NFIB: variants seen among roughly 807,000 people sequenced by gnomAD.
The protein encoded by NFIB is nuclear factor 1 B-type.
NFIB carries 11 observed loss-of-function variants against 61.5 expected under a neutral mutation model. The ratio of observed to expected loss-of-function variants is 0.18; its 90% CI spans 0.11 to 0.30. The LOEUF is 0.30. NFIB is among the 10% of genes least tolerant of loss of function. NFIB has a pLI of 1.00. For synonymous variants in NFIB, 260 were observed against 216.5 expected (o/e 1.20, Z -1.76); for missense variants, 471 against 608.9 (o/e 0.77, Z 2.38).
At chr9:14,176,169 G>A (rs1222782983) in intron 3 of NFIB, among the ~76,000 whole-genome samples, 1 of 150,386 alleles carries the variant, frequency 6.6e-6, no homozygotes, top group South Asian at 2.1e-4. Context: ...AAAATTAATG[G>A]TTTACCCTCA....
At chr9:14,271,098 G>A (rs998950779) in intron 2 of NFIB, among the ~76,000 whole-genome samples, 1 of 152,000 alleles carries the variant, frequency 6.6e-6, no homozygotes, top group Non-Finnish European at 1.5e-5. Flanking sequence ...CTCATTAGAA[G>A]AGACCTCCCA....
rs531755118 is a variant in NFIB, at chr9:14,231,916, C to T, written c.563-52136G>A. The stretch of plus-strand genomic sequence containing the variant: ...GGAAAAAAATCTCATTTTTCCCCTT[C>T]TTCACAAAATATACTATTACAGGAC... On this transcript the variant is annotated intron_variant, in intron 2 of 10. Coordinates refer to ENST00000380953, the MANE Select transcript of NFIB (RefSeq NM_001190737.2). Among the ~76,000 whole-genome samples, 4 of 152,310 alleles carry T rather than the reference C, an allele frequency of 2.6e-5. No homozygotes were observed. The East Asian group carries it at 7.7e-4, about 29-fold the overall frequency.
the NFIB span, among the ~76,000 whole-genome samples, chr9:14,407,428 G>A: frequency 6.6e-6 from 1 of 152,134 alleles, no homozygotes; most frequent in African/African-American, 2.4e-5. Context: ...GAGACAAGGA[G>A]AGAAAGTCTG....
the NFIB span, among the ~76,000 whole-genome samples, chr9:14,427,952 T>TTTTG: frequency 8.8e-6 from 1 of 113,812 alleles, no homozygotes; most frequent in African/African-American, 3.2e-5. Context: ...TTTTTTTTTT[T>TTTTG]TTTTTTTTTT....
At chr9:14,464,303 A>T in the NFIB span, among the ~76,000 whole-genome samples, 1 of 152,220 alleles carries the variant, frequency 6.6e-6, no homozygotes, top group African/African-American at 2.4e-5. Context: ...CTTATCGTGC[A>T]GGTAATGAAG....
chr9:14,414,549 C>T, the NFIB span, among the ~76,000 whole-genome samples: 3 of 144,852 alleles, frequency 2.1e-5, no homozygotes, highest in South Asian at 4.4e-4. Flanking sequence ...GTTTAGTGAC[C>T]GTAAGTAGAT....
chr9:14,250,635 T>A (rs181074299), intron 2 of NFIB, among the ~76,000 whole-genome samples: 1 of 152,244 alleles, frequency 6.6e-6, no homozygotes, highest in Non-Finnish European at 1.5e-5. Flanking sequence ...AAAGAGAGTA[T>A]GCCTTAGGAA....
rs771037341 is a variant in NFIB, at chr9:14,120,530, T to C, written c.1155A>G (p.Pro385=). The part of the protein sequence containing the change: ...PPAPSSYFSH[P]TIRYPPHLNP... ...TCAGGTGGGGAGGATATCTGATTGTTGGATGAGAAAAGTAGCTCGATGGGG... is the reference window on the plus strand; with the variant it reads ...TCAGGTGGGGAGGATATCTGATTGTCGGATGAGAAAAGTAGCTCGATGGGG... Residue 385 remains proline, a synonymous_variant, in exon 8 of 11, where the codon CCA becomes CCG. Transcript: ENST00000380953. The surrounding 1 kb of genome is among the most constrained non-coding windows in gnomAD (Gnocchi z 4.4). 1.9e-6 allele frequency: 3 copies of C among 1,614,114 alleles called. No individual in the cohort carries two copies. Among genetic ancestry groups the C allele is most frequent in the Middle Eastern group, 1.7e-4 (1 of 6,060 alleles).
intron 2 of NFIB, among the ~76,000 whole-genome samples, chr9:14,196,704 AAC>A: frequency 1.3e-5 from 2 of 149,382 alleles, no homozygotes; most frequent in Admixed American, 6.7e-5. Flanking sequence ...AAAAAAAAAA[AAC>A]AGAGCCTAAG....
chr9:14,501,452 T>A, the NFIB span, among the ~76,000 whole-genome samples: 1 of 152,360 alleles, frequency 6.6e-6, no homozygotes, highest in East Asian at 1.9e-4. Flanking sequence ...CTTACATGCA[T>A]GAATTCATAT....
At chr9:14,437,809 T>C in the NFIB span, among the ~76,000 whole-genome samples, 2 of 152,170 alleles carry the variant, frequency 1.3e-5, no homozygotes, top group East Asian at 3.9e-4. Flanking sequence ...CCTGCCTCGC[T>C]GGGGGTAGGG....
chr9:14,518,419 G>T, the NFIB span, among the ~76,000 whole-genome samples: 2 of 151,636 alleles, frequency 1.3e-5, no homozygotes, highest in East Asian at 1.9e-4. Flanking sequence ...CCCATTGCTG[G>T]TAAGAGTCTT....
At chr9:14,253,478 C>T (rs2055879788) in intron 2 of NFIB, among the ~76,000 whole-genome samples, 1 of 151,970 alleles carries the variant, frequency 6.6e-6, no homozygotes, top group Non-Finnish European at 1.5e-5. Context: ...ACAAAACTCC[C>T]AGAAGGAAAA....
In NFIB at chr9:14,390,465, A is replaced by G. The variant is rs143931304; in HGVS notation, c.108+8059T>C. ...TCAAAGGAATATGAGGGTAAACTAA[A>G]AGAGTAAACTCAAGTGTAAGAGTAA... On this transcript the variant is annotated intron_variant, in intron 1 of 8. Transcript: ENST00000380934. Among the ~76,000 whole-genome samples the G allele has an allele frequency of 3.1e-4, 47 of 152,340 alleles. No individual in the cohort carries two copies. In the East Asian group the frequency reaches 9.1e-3, roughly 29 times the overall value.
At chr9:14,526,673 T>C in the NFIB span, among the ~76,000 whole-genome samples, 1 of 152,138 alleles carries the variant, frequency 6.6e-6, no homozygotes, top group Admixed American at 6.6e-5. Flanking sequence ...AAAATAACAA[T>C]CTCGGGGAAT....
intron 10 of NFIB, among the ~76,000 whole-genome samples, chr9:14,093,236 T>A (rs987317114): frequency 6.6e-6 from 1 of 152,122 alleles, no homozygotes; most frequent in African/African-American, 2.4e-5. Flanking sequence ...GTGTATTTGA[T>A]AATGGATGAG....
chr9:14,414,253 G>A, the NFIB span, among the ~76,000 whole-genome samples: 2 of 151,878 alleles, frequency 1.3e-5, no homozygotes, highest in Non-Finnish European at 2.9e-5. Flanking sequence ...TGGCCAATAT[G>A]GTGAAACCTC....
chr9:14,208,584 G>T (rs1198430567), intron 2 of NFIB, among the ~76,000 whole-genome samples: 2 of 149,302 alleles, frequency 1.3e-5, no homozygotes, highest in Admixed American at 1.3e-4. Context: ...TTTCCTTAAG[G>T]ACTCTTCACA....
chr9:14,408,805 T>C, the NFIB span, among the ~76,000 whole-genome samples: 1 of 152,170 alleles, frequency 6.6e-6, no homozygotes, highest in Non-Finnish European at 1.5e-5. Context: ...ACTTATTAGG[T>C]TTCAGGCATT....
Sources: allele counts gnomAD v4.1 joint callset (sites outside exome capture counted in the v4.1 genomes callset), GRCh38; gene constraint gnomAD v4.1.1; non-coding constraint Gnocchi (gnomAD v3.1); transcripts MANE v1.5; gene names NCBI Gene and HGNC (gene_info 2026-07-23, HGNC 2026-07-21).